SLC2A13: variants seen among roughly 807,000 people sequenced by gnomAD.
The protein encoded by SLC2A13 is solute carrier family 2 member 13.
SLC2A13 carries 32 observed loss-of-function variants against 64.4 expected under a neutral mutation model. The ratio of observed to expected loss-of-function variants is 0.50; its 90% CI spans 0.37 to 0.67. The LOEUF (loss-of-function observed/expected upper bound fraction) is 0.67, where lower values mean the gene tolerates loss of function less well. Ranked by LOEUF, SLC2A13 falls within the 30% of genes least tolerant of loss-of-function variation. SLC2A13 has a pLI of 0.00. For missense variants in SLC2A13, 743 were observed against 829.2 expected (o/e 0.90, Z 1.28); for synonymous variants, 338 against 327.1 (o/e 1.03, Z -0.36).
At chr12:40,083,031 G>C (rs962165154) in intron 1 of SLC2A13, among the ~76,000 whole-genome samples, 4 of 152,092 alleles carry the variant, frequency 2.6e-5, no homozygotes, top group African/African-American at 9.7e-5. Context: ...AGTGGGAGAA[G>C]TTCTTCCTGT....
chr12:39,884,383 G>A lies in SLC2A13; in HGVS notation c.1035-12422C>T, dbSNP rs551008805. Among the ~76,000 whole-genome samples the A allele has an allele frequency of 6.0e-4, 92 of 152,194 alleles. 1 individual carries two copies. The South Asian group carries it at 0.019, about 32-fold the overall frequency. On this transcript the variant is annotated intron_variant, in intron 4 of 9. Transcript: ENST00000280871. The stretch of plus-strand genomic sequence containing the variant: ...TTAATTTTTTCCTTCGCCAAACTTC[G>A]TATTTTCTTAAATTAATCTATGTCC...
intron 7 of SLC2A13, among the ~76,000 whole-genome samples, chr12:39,772,305 A>G (rs1940611191): frequency 1.3e-5 from 2 of 152,182 alleles, no homozygotes; most frequent in South Asian, 4.1e-4. Context: ...TTCTTGTAAA[A>G]TAAGAGTCCA....
intron 3 of SLC2A13, among the ~76,000 whole-genome samples, chr12:39,996,119 C>G (rs1947225037): frequency 6.6e-6 from 1 of 152,104 alleles, no homozygotes; most frequent in Non-Finnish European, 1.5e-5. Context: ...ACAATGAAAC[C>G]CAGGTTGAAG....
intron 3 of SLC2A13, among the ~76,000 whole-genome samples, chr12:39,968,928 C>T (rs974459622): frequency 2.6e-5 from 4 of 151,872 alleles, no homozygotes; most frequent in Non-Finnish European, 5.9e-5. Flanking sequence ...AGGTATATCT[C>T]CTAATGCTTT....
intron 3 of SLC2A13, among the ~76,000 whole-genome samples, chr12:39,999,251 C>T (rs181464336): frequency 4.6e-5 from 7 of 152,148 alleles, no homozygotes; most frequent in African/African-American, 1.2e-4. Context: ...AGAATAACAG[C>T]GATTTTAGGG....
intron 3 of SLC2A13, among the ~76,000 whole-genome samples, chr12:39,956,338 G>C (rs1470992322): frequency 6.6e-6 from 1 of 152,164 alleles, no homozygotes; most frequent in Non-Finnish European, 1.5e-5. Flanking sequence ...GGGAAGTTCT[G>C]GGGAGGCAGC....
chr12:39,775,882 C>T (rs994846831), intron 7 of SLC2A13, among the ~76,000 whole-genome samples: 1 of 152,202 alleles, frequency 6.6e-6, no homozygotes, highest in Non-Finnish European at 1.5e-5. Context: ...ATTATGCTTA[C>T]TGGTTGAGCA....
chr12:39,985,348 G>A (rs992118146), intron 3 of SLC2A13, among the ~76,000 whole-genome samples: 1 of 152,032 alleles, frequency 6.6e-6, no homozygotes, highest in Non-Finnish European at 1.5e-5. Context: ...GCCATTATTT[G>A]CATTCTCTGA....
chr12:40,040,803 C>G (rs775471092), intron 2 of SLC2A13, among the ~76,000 whole-genome samples: 1 of 152,172 alleles, frequency 6.6e-6, no homozygotes, highest in Non-Finnish European at 1.5e-5. Context: ...GTGATTGACT[C>G]ATATTCTACA....
Position 39,775,798 on chromosome 12 carries a change from T to A in SLC2A13, c.1446-10940A>T, listed in dbSNP as rs748812358. On this transcript the variant is annotated intron_variant, in intron 7 of 9. Transcript: ENST00000280871. ...ATGATTGTTTTCATGGTTGAACTTA[T>A]ACAGGTTGTGTATCCCTTATTCAAA... Among the ~76,000 whole-genome samples, 3 of 152,230 alleles carry A rather than the reference T, an allele frequency of 2.0e-5. No homozygotes were observed. In the East Asian group the frequency reaches 5.8e-4, roughly 29 times the overall value.
intron 1 of SLC2A13, among the ~76,000 whole-genome samples, chr12:40,057,814 C>T (rs1034362383): frequency 1.6e-4 from 25 of 152,080 alleles, no homozygotes; most frequent in African/African-American, 6.0e-4. Flanking sequence ...CAAAGAAGCA[C>T]AGTTTATAGG....
chr12:39,769,485 T>G (rs1264319793), intron 7 of SLC2A13, among the ~76,000 whole-genome samples: 1 of 152,076 alleles, frequency 6.6e-6, no homozygotes, highest in East Asian at 1.9e-4. Flanking sequence ...TATCAGCTTC[T>G]ACTTTTCTAT....
At chr12:39,951,879 T>C (rs966064849) in intron 3 of SLC2A13, among the ~76,000 whole-genome samples, 8 of 152,138 alleles carry the variant, frequency 5.3e-5, no homozygotes, top group African/African-American at 1.9e-4. Context: ...ATGTCAGCCT[T>C]GGTTATAGCT....
intron 1 of SLC2A13, among the ~76,000 whole-genome samples, chr12:40,100,486 T>C (rs1224285635): frequency 2.0e-5 from 3 of 152,246 alleles, no homozygotes; most frequent in African/African-American, 2.4e-5. Context: ...TTGTGTTTTC[T>C]AGACAATTTC....
At chr12:39,919,843 A>G (rs1293422327) in intron 4 of SLC2A13, among the ~76,000 whole-genome samples, 1 of 152,090 alleles carries the variant, frequency 6.6e-6, no homozygotes, top group Non-Finnish European at 1.5e-5. Flanking sequence ...TTGTGACTGG[A>G]TGATTAGGTA....
chr12:39,872,381 T>A (rs772411318), intron 4 of SLC2A13, among the ~76,000 whole-genome samples: 1 of 152,138 alleles, frequency 6.6e-6, no homozygotes, highest in Non-Finnish European at 1.5e-5. Flanking sequence ...AAGACTGCCA[T>A]AAGAGAATGT....
chr12:39,975,992 A>T (rs924755330), intron 3 of SLC2A13, among the ~76,000 whole-genome samples: 11 of 152,252 alleles, frequency 7.2e-5, no homozygotes, highest in African/African-American at 2.7e-4. Flanking sequence ...AATAACTGCT[A>T]ATCAAAACAG....
chr12:40,089,547 A>C (rs1938692875), intron 1 of SLC2A13, among the ~76,000 whole-genome samples: 1 of 152,166 alleles, frequency 6.6e-6, no homozygotes, highest in Non-Finnish European at 1.5e-5. Context: ...GAAGCCCTTC[A>C]GTCAGGCTCT....
At chr12:39,896,482 G>A (rs187086566) in intron 4 of SLC2A13, among the ~76,000 whole-genome samples, 3 of 145,808 alleles carry the variant, frequency 2.1e-5, no homozygotes, top group Admixed American at 7.0e-5. Flanking sequence ...ATGTATATGT[G>A]TATATATGTA....
Sources: allele counts gnomAD v4.1 joint callset (sites outside exome capture counted in the v4.1 genomes callset), GRCh38; gene constraint gnomAD v4.1.1; transcripts MANE v1.5; gene names NCBI Gene and HGNC (gene_info 2026-07-23, HGNC 2026-07-21).